ABLIM2: variants seen among roughly 807,000 people sequenced by gnomAD.
ABLIM2 encodes the protein actin-binding LIM protein 2.
Under a neutral mutation model 97.7 loss-of-function variants are expected in ABLIM2, and 53 were observed. The ratio of observed to expected loss-of-function variants is 0.54; its 90% CI spans 0.44 to 0.68. The LOEUF (loss-of-function observed/expected upper bound fraction) is 0.68, where lower values mean the gene tolerates loss of function less well. ABLIM2 is among the 30% of genes least tolerant of loss of function. The pLI is 0.00. For synonymous variants in ABLIM2, 361 were observed against 345.8 expected, an observed-to-expected ratio of 1.04 and a Z score of -0.49; for missense variants, 835 against 867.2, an observed-to-expected ratio of 0.96 and a Z score of 0.47.
chr4:7,966,589 G>GTGTAGATCTCGGTGGT lies in ABLIM2; in HGVS notation c.*400_*401insACCACCGAGATCTACA. On this transcript the variant is annotated 3_prime_UTR_variant, in exon 21 of 21. Coordinates refer to ENST00000447017, the MANE Select transcript of ABLIM2 (RefSeq NM_001130083.2). ...GTGCCCACCCCCGATGATGGTGTCA[G>GTGTAGATCTCGGTGGT]CAACCATCATCAACAAGCCTCACAG... The GTGTAGATCTCGGTGGT allele has an allele frequency of 5.4e-6, 1 of 184,626 alleles. No homozygotes were observed. Among genetic ancestry groups the GTGTAGATCTCGGTGGT allele is most frequent in the Non-Finnish European group, 1.1e-5 (1 of 88,416 alleles). 11.4% of individuals were successfully genotyped at this position (184,626 alleles called of 1,614,324 possible).
intron 2 of ABLIM2, 145 bp from the exon 3 acceptor site, chr4:8,097,427 A>C: frequency 9.7e-7 from 1 of 1,031,110 alleles, no homozygotes; most frequent in East Asian, 2.8e-5. Context: ...TGGCTTGCTC[A>C]ACTCTCGGCG....
At position 8,148,187 on chromosome 4, in the gene ABLIM2, G is replaced by A. The variant is rs1196841353; in HGVS notation, c.10+10493C>T. 6.6e-6 allele frequency among the ~76,000 whole-genome samples: 1 copy of A among 152,232 alleles called. No individual in the cohort carries two copies. The highest frequency in any genetic ancestry group is 1.5e-5 in the Non-Finnish European group (1 of 68,042). ...AGGGGCAGAGGGAGAAAAGGAAGACGTGGCGGCGGTGCAGCAGAAGCTCTC... is the reference window on the plus strand; with the variant it reads ...AGGGGCAGAGGGAGAAAAGGAAGACATGGCGGCGGTGCAGCAGAAGCTCTC... On this transcript the variant is annotated intron_variant, in intron 1 of 20. Transcript: ENST00000447017. This position sits in a 1 kb window ranked among gnomAD's most constrained non-coding sequence, Gnocchi z 6.7.
chr4:8,106,665 T>G (rs1001819000), intron 1 of ABLIM2, 28 bp from the exon 2 acceptor site: 2 of 1,581,464 alleles, frequency 1.3e-6, no homozygotes, highest in African/African-American at 2.7e-5. Context: ...AGAGCAGCGT[T>G]CAAGGGTGGA....
chr4:8,013,026 T>C (rs1230325905), intron 14 of ABLIM2, among the ~76,000 whole-genome samples: 1 of 152,150 alleles, frequency 6.6e-6, no homozygotes, highest in Non-Finnish European at 1.5e-5. Context: ...ATGACCCTTG[T>C]CTTTCAGAAG....
At chr4:8,151,112 T>C (rs1312905363) in intron 1 of ABLIM2, among the ~76,000 whole-genome samples, 1 of 152,058 alleles carries the variant, frequency 6.6e-6, no homozygotes, top group Non-Finnish European at 1.5e-5. Flanking sequence ...ATTTAAACAA[T>C]CCGCTTGGAG....
intron 17 of ABLIM2, among the ~76,000 whole-genome samples, chr4:7,987,959 C>G (rs1745739577): frequency 6.6e-6 from 1 of 152,194 alleles, no homozygotes; most frequent in Non-Finnish European, 1.5e-5. Flanking sequence ...CCCTACGCCG[C>G]TCAGTGCAGG....
intron 14 of ABLIM2, among the ~76,000 whole-genome samples, chr4:8,014,133 A>C: frequency 6.6e-6 from 1 of 152,234 alleles, no homozygotes; most frequent in East Asian, 1.9e-4. Flanking sequence ...CATTCCTGAG[A>C]CTGCAAGAAC....
At chr4:8,008,005 T>C in intron 16 of ABLIM2, 54 bp downstream of exon 16, 1 of 1,601,038 alleles carries the variant, frequency 6.2e-7, no homozygotes, top group South Asian at 1.1e-5. Flanking sequence ...GGGGCCTCTT[T>C]GCCGCGAGGC....
In ABLIM2 at chr4:8,058,840, C is replaced by T. The variant is rs143648200; in HGVS notation, c.763+2127G>A. Among the ~76,000 whole-genome samples the T allele has an allele frequency of 2.7e-3, 408 of 152,296 alleles. No individual in the cohort carries two copies. Among genetic ancestry groups the T allele is most frequent in the African/African-American group, 9.4e-3 (390 of 41,566 alleles). On this transcript the variant is annotated intron_variant, in intron 7 of 20. Transcript: ENST00000447017. The surrounding 1 kb of genome is among the most constrained non-coding windows in gnomAD (Gnocchi z 4.2). Reference sequence around the variant, plus strand: ...ATCCCCTGGCCTAGAAGCCTAATCTCCCTCCACTTCTGATTGAGTTCCTCA... The same window carrying T: ...ATCCCCTGGCCTAGAAGCCTAATCTTCCTCCACTTCTGATTGAGTTCCTCA...
chr4:8,000,937 G>A (rs889788760), intron 16 of ABLIM2, among the ~76,000 whole-genome samples: 10 of 152,166 alleles, frequency 6.6e-5, no homozygotes, highest in African/African-American at 2.4e-4. Flanking sequence ...ATTCAAGGCC[G>A]GGCACCTTAT....
rs1040806375 is a variant in ABLIM2, at chr4:8,029,647, G to A, written c.1168+9C>T. 45 of 1,518,286 alleles carry A rather than the reference G, an allele frequency of 3.0e-5. No homozygotes were observed. Among genetic ancestry groups the A allele is most frequent in the Non-Finnish European group, 3.6e-5 (41 of 1,125,082 alleles). 94.1% of individuals were successfully genotyped at this position (1,518,286 alleles called of 1,614,324 possible). On this transcript the variant is annotated intron_variant, in intron 11 of 20. Coordinates refer to ENST00000447017, the MANE Select transcript of ABLIM2 (RefSeq NM_001130083.2). ...CCTGGGGGCTCAGAGGAACCAGGGG[G>A]CCAAGTACCTGGACGGCTGTAGTGC...
At chr4:8,110,827 G>A (rs573880211) in intron 1 of ABLIM2, among the ~76,000 whole-genome samples, 4 of 152,338 alleles carry the variant, frequency 2.6e-5, no homozygotes, top group African/African-American at 9.6e-5. Context: ...CCGTGGGGAC[G>A]CCGCTGCCTC....
intron 1 of ABLIM2, among the ~76,000 whole-genome samples, chr4:8,145,622 G>C (rs1851664411): frequency 6.6e-6 from 1 of 152,052 alleles, no homozygotes; most frequent in African/African-American, 2.4e-5. Flanking sequence ...TAGCATTCCA[G>C]CTGAGGACAT....
chr4:7,995,918 C>T (rs1240217107), intron 16 of ABLIM2, among the ~76,000 whole-genome samples: 3 of 152,116 alleles, frequency 2.0e-5, no homozygotes, highest in South Asian at 4.1e-4. Flanking sequence ...AGAGTCAAGG[C>T]CCCGAGACGT....
chr4:7,995,287 T>C (rs1259321488), intron 16 of ABLIM2, among the ~76,000 whole-genome samples: 1 of 152,236 alleles, frequency 6.6e-6, no homozygotes, highest in Admixed American at 6.5e-5. Context: ...ACCCCAGTAC[T>C]GGGCCCTGGT....
At chr4:8,062,482 C>A (rs1253001930) in intron 6 of ABLIM2, among the ~76,000 whole-genome samples, 1 of 151,052 alleles carries the variant, frequency 6.6e-6, no homozygotes, top group Admixed American at 6.6e-5. Context: ...GTCGCCCTGG[C>A]TGGATGGAGT....
chr4:8,047,444 C>G (rs1277869932), intron 8 of ABLIM2, among the ~76,000 whole-genome samples: 1 of 152,118 alleles, frequency 6.6e-6, no homozygotes, highest in Admixed American at 6.5e-5. Flanking sequence ...CCTTGGGCTT[C>G]CCTCAGCCCT....
intron 9 of ABLIM2, among the ~76,000 whole-genome samples, chr4:8,039,874 GTTT>G (rs397947626): frequency 2.9e-4 from 31 of 108,628 alleles, no homozygotes; most frequent in African/African-American, 9.8e-4. Context: ...GCTGATTACT[GTTT>G]TTTTTTTTTT....
At chr4:7,977,825 T>TAAATAAATAAAA (rs1379220404) in intron 20 of ABLIM2, among the ~76,000 whole-genome samples, 19 of 151,376 alleles carry the variant, frequency 1.3e-4, no homozygotes, top group African/African-American at 4.1e-4. Context: ...AATAAATAAA[T>TAAATAAATAAAA]AAAAGGTGGG....
Sources: allele counts gnomAD v4.1 joint callset (sites outside exome capture counted in the v4.1 genomes callset), GRCh38; gene constraint gnomAD v4.1.1; non-coding constraint Gnocchi (gnomAD v3.1); transcripts MANE v1.5; gene names NCBI Gene and HGNC (gene_info 2026-07-23, HGNC 2026-07-21).